The following CADM2 variants were observed in gnomAD, a reference collection of about 807,000 sequenced individuals.
CADM2 encodes cell adhesion molecule 2.
In CADM2, 12 loss-of-function variants were observed where a neutral mutation model predicts 49.8. That is an observed-to-expected ratio of 0.24 (90% CI 0.15 to 0.39). The LOEUF (loss-of-function observed/expected upper bound fraction) is 0.39. Ranked by LOEUF, CADM2 falls within the 10% of genes least tolerant of loss-of-function variation. CADM2 has a pLI of 1.00. For synonymous variants in CADM2, 214 were observed against 175.4 expected (o/e 1.22, Z -1.74); for missense variants, 378 against 492.3 (o/e 0.77, Z 2.20).
At chr3:85,016,587 G>A (rs1253084741) in intron 1 of CADM2, among the ~76,000 whole-genome samples, 1 of 152,130 alleles carries the variant, frequency 6.6e-6, no homozygotes, top group Non-Finnish European at 1.5e-5. Flanking sequence ...GAGGTCAAGA[G>A]TTCAAGGCCA....
chr3:85,192,088 T>C (rs1306107803), intron 1 of CADM2, among the ~76,000 whole-genome samples: 3 of 151,570 alleles, frequency 2.0e-5, no homozygotes, highest in African/African-American at 7.3e-5. Context: ...CAACTTATAA[T>C]AAATCATTCA....
At position 85,614,687 on chromosome 3, in the gene CADM2, G is replaced by A. The variant is rs144270113; in HGVS notation, c.62-111835G>A. ...TAATGACTTGTTCATTATTTCTTACGTTGGCCCCTATGTCTATATAATTCC... is the reference window on the plus strand; with the variant it reads ...TAATGACTTGTTCATTATTTCTTACATTGGCCCCTATGTCTATATAATTCC... On this transcript the variant is annotated intron_variant, in intron 1 of 9. Transcript: ENST00000383699. Among the ~76,000 whole-genome samples, 38 of 151,722 alleles carry A rather than the reference G, an allele frequency of 2.5e-4. No homozygotes were observed. The East Asian group carries it at 6.0e-3, about 24-fold the overall frequency.
intron 3 of CADM2, among the ~76,000 whole-genome samples, chr3:85,835,103 T>A (rs1157293480): frequency 6.6e-6 from 1 of 151,550 alleles, no homozygotes; most frequent in African/African-American, 2.4e-5. Context: ...TTGATGGACA[T>A]CCAACTTGCA....
At chr3:85,564,442 C>T (rs1237415709) in intron 1 of CADM2, among the ~76,000 whole-genome samples, 2 of 151,976 alleles carry the variant, frequency 1.3e-5, no homozygotes, top group South Asian at 2.1e-4. Context: ...CATATCAAAA[C>T]GGTGAACAAC....
chr3:85,531,530 A>AT (rs2061308782), intron 1 of CADM2, among the ~76,000 whole-genome samples: 1 of 152,180 alleles, frequency 6.6e-6, no homozygotes, highest in Non-Finnish European at 1.5e-5. Flanking sequence ...TCAAATGGAT[A>AT]TTTTTATTTT....
rs1012734184 is a variant in CADM2, at chr3:85,354,226, A to G, written c.62-372296A>G. ...AATATTTAGAAAATTCTTGATTTATATATGAATTTTGGAGAATCATTATTC... is the reference window on the plus strand; with the variant it reads ...AATATTTAGAAAATTCTTGATTTATGTATGAATTTTGGAGAATCATTATTC... On this transcript the variant is annotated intron_variant, in intron 1 of 9. Transcript: ENST00000383699. Among the ~76,000 whole-genome samples the G allele has an allele frequency of 2.6e-5, 4 of 151,888 alleles. No homozygotes were observed. In the East Asian group the frequency reaches 7.7e-4, roughly 29 times the overall value.
intron 1 of CADM2, among the ~76,000 whole-genome samples, chr3:85,445,896 A>G (rs1368199216): frequency 1.3e-5 from 2 of 152,140 alleles, no homozygotes; most frequent in Non-Finnish European, 2.9e-5. Context: ...CATGCAATAT[A>G]CTACAAATTT....
chr3:85,083,304 G>A (rs1253729878), intron 1 of CADM2, among the ~76,000 whole-genome samples: 9 of 152,064 alleles, frequency 5.9e-5, no homozygotes, highest in Non-Finnish European at 1.0e-4. Flanking sequence ...AAAAAGGGGA[G>A]CTCTAACCTG....
At chr3:85,798,444 T>A (rs1256349839) in intron 2 of CADM2, among the ~76,000 whole-genome samples, 1 of 152,224 alleles carries the variant, frequency 6.6e-6, no homozygotes, top group East Asian at 1.9e-4. Flanking sequence ...TTAATTTTTG[T>A]ATAAGGTGTA....
chr3:85,528,839 G>T (rs1017055811), intron 1 of CADM2, among the ~76,000 whole-genome samples: 11 of 151,958 alleles, frequency 7.2e-5, no homozygotes, highest in African/African-American at 2.7e-4. Context: ...TCTTCTCTCA[G>T]AAAAAATCAA....
intron 3 of CADM2, among the ~76,000 whole-genome samples, chr3:85,852,169 T>G (rs1353559007): frequency 6.6e-6 from 1 of 152,086 alleles, no homozygotes; most frequent in Non-Finnish European, 1.5e-5. Flanking sequence ...TACTGCATGT[T>G]TACTTTTTAA....
intron 2 of CADM2, among the ~76,000 whole-genome samples, chr3:85,768,196 C>A (rs1577261494): frequency 6.6e-6 from 1 of 152,092 alleles, no homozygotes; most frequent in Non-Finnish European, 1.5e-5. Flanking sequence ...CCTGTAATCC[C>A]AGCACTTTGA....
intron 1 of CADM2, among the ~76,000 whole-genome samples, chr3:85,248,541 G>T (rs1364234790): frequency 6.6e-6 from 1 of 152,104 alleles, no homozygotes; most frequent in Non-Finnish European, 1.5e-5. Flanking sequence ...TTCCCAATTT[G>T]CTAGGATTAC....
At position 85,480,002 on chromosome 3, in the gene CADM2, A is replaced by AT. The variant is rs1332033428; in HGVS notation, c.62-246512dup. ...AGGTGAAGTTTATGTATTTTATACT[A>AT]TTTTTTTTAAACTCTGTGTAGGCCG... On this transcript the variant is annotated intron_variant, in intron 1 of 9. Coordinates refer to ENST00000383699, the MANE Select transcript of CADM2 (RefSeq NM_001167675.2). 1.1e-4 allele frequency among the ~76,000 whole-genome samples: 16 copies of AT among 151,682 alleles called. 1 individual carries two copies. The highest frequency in any genetic ancestry group is 2.4e-4 in the African/African-American group (10 of 41,442).
At chr3:85,489,873 G>T (rs2039596671) in intron 1 of CADM2, among the ~76,000 whole-genome samples, 1 of 151,612 alleles carries the variant, frequency 6.6e-6, no homozygotes, top group Non-Finnish European at 1.5e-5. Context: ...TCAGGGGAAA[G>T]AAACAAGCAA....
rs1434178608 is a variant in CADM2 at position 86,073,218 on chromosome 3, C to T, written c.*6435C>T. 4.6e-5 allele frequency: 7 copies of T among 152,034 alleles called. No individual in the cohort carries two copies. The highest frequency in any genetic ancestry group is 3.9e-4 in the East Asian group (2 of 5,176). The allele number at this position is 152,034 out of a possible 1,614,324, so 9.4% of individuals were successfully genotyped here. The stretch of plus-strand genomic sequence containing the variant: ...TATCTCTGAAAACGGTATCCAGAAA[C>T]GCAGGTGTTCCCAGTAATGTAGCTT... On this transcript the variant is annotated 3_prime_UTR_variant, in exon 10 of 10. Transcript: ENST00000383699.
At chr3:85,054,807 A>G (rs899924342) in intron 1 of CADM2, among the ~76,000 whole-genome samples, 2 of 151,868 alleles carry the variant, frequency 1.3e-5, no homozygotes, top group Admixed American at 6.6e-5. Flanking sequence ...TTGCTAGGAA[A>G]CACTACTTAA....
intron 8 of CADM2, among the ~76,000 whole-genome samples, chr3:86,022,933 A>G (rs1733380197): frequency 6.6e-6 from 1 of 152,154 alleles, no homozygotes; most frequent in Admixed American, 6.5e-5. Flanking sequence ...GTAACACTAA[A>G]ACATCCATAT....
intron 1 of CADM2, among the ~76,000 whole-genome samples, chr3:85,455,588 A>G (rs2037952609): frequency 6.6e-6 from 1 of 152,200 alleles, no homozygotes; most frequent in South Asian, 2.1e-4. Context: ...AACTAATTTA[A>G]CACAATTCAT....
Sources: allele counts gnomAD v4.1 joint callset (sites outside exome capture counted in the v4.1 genomes callset), GRCh38; gene constraint gnomAD v4.1.1; transcripts MANE v1.5; gene names NCBI Gene and HGNC (gene_info 2026-07-23, HGNC 2026-07-21).